The following HSD17B12 variants were observed in gnomAD, a reference collection of about 807,000 sequenced individuals.
HSD17B12 encodes the protein hydroxysteroid 17-beta dehydrogenase 12.
In HSD17B12, 32 loss-of-function variants were observed where a neutral mutation model predicts 39.3. The observed-to-expected ratio is 0.81, with a 90% CI of 0.61 to 1.09. The LOEUF (loss-of-function observed/expected upper bound fraction) is 1.09, where lower values mean the gene tolerates loss of function less well. HSD17B12 is among the 50% of genes least tolerant of loss of function. The probability of loss-of-function intolerance (pLI) is 0.00; values close to 1 mark genes in which losing one functional copy is unlikely to be tolerated. For missense variants in HSD17B12, 342 were observed against 382.9 expected (o/e 0.89, Z 0.89); for synonymous variants, 150 against 146.7 (o/e 1.02, Z -0.16).
chr11:43,651,631 A>T, the HSD17B12 span, among the ~76,000 whole-genome samples: 2 of 152,250 alleles, frequency 1.3e-5, no homozygotes, highest in African/African-American at 4.8e-5. Context: ...CCCAGGCTGC[A>T]GTGCGGTGGT....
At chr11:43,594,342 A>C in the HSD17B12 span, among the ~76,000 whole-genome samples, 1,284 of 152,246 alleles carry the variant, frequency 8.4e-3, 18 homozygotes, top group African/African-American at 0.03. Flanking sequence ...TTTGGAGGGA[A>C]AGATTCTTTT....
chr11:43,559,916 T>C, the HSD17B12 span, among the ~76,000 whole-genome samples: 1 of 152,168 alleles, frequency 6.6e-6, no homozygotes, highest in Admixed American at 6.5e-5. Flanking sequence ...TCATGGAACC[T>C]GGCACAAAAT....
At chr11:43,707,804 G>C (rs1047061519) in intron 1 of HSD17B12, among the ~76,000 whole-genome samples, 1 of 152,102 alleles carries the variant, frequency 6.6e-6, no homozygotes, top group Non-Finnish European at 1.5e-5. Flanking sequence ...AATTAAAGTG[G>C]ACTATCTAAC....
chr11:43,654,264 T>G, the HSD17B12 span, among the ~76,000 whole-genome samples: 2 of 152,358 alleles, frequency 1.3e-5, no homozygotes, highest in South Asian at 4.1e-4. Flanking sequence ...CTTGTAAATT[T>G]GTTTGAGTTC....
chr11:43,595,321 T>A, the HSD17B12 span, among the ~76,000 whole-genome samples: 3 of 152,256 alleles, frequency 2.0e-5, no homozygotes, highest in African/African-American at 7.2e-5. Flanking sequence ...TAAATCTGTC[T>A]GGGAAAGGGT....
chr11:43,635,609 A>G, the HSD17B12 span, among the ~76,000 whole-genome samples: 2 of 152,208 alleles, frequency 1.3e-5, no homozygotes, highest in Non-Finnish European at 2.9e-5. Context: ...TACAAACACA[A>G]AAGGGTTTGA....
chr11:43,684,593 G>C (rs1436313639), intron 1 of HSD17B12, among the ~76,000 whole-genome samples: 1 of 152,192 alleles, frequency 6.6e-6, no homozygotes, highest in African/African-American at 2.4e-5. Context: ...ACAGCACTCT[G>C]AGCACTTATT....
At chr11:43,763,655 A>G (rs758525823) in intron 3 of HSD17B12, among the ~76,000 whole-genome samples, 1 of 147,616 alleles carries the variant, frequency 6.8e-6, no homozygotes, top group African/African-American at 2.5e-5. Flanking sequence ...ATATATATAG[A>G]GAGAGAGAGA....
At chr11:43,841,557 C>CT (rs1175922724) in intron 9 of HSD17B12, among the ~76,000 whole-genome samples, 1 of 152,080 alleles carries the variant, frequency 6.6e-6, no homozygotes, top group African/African-American at 2.4e-5. Context: ...TTTTATATAC[C>CT]TTTGAGTTTA....
At chr11:43,784,315 A>C (rs1428412520) in intron 3 of HSD17B12, among the ~76,000 whole-genome samples, 1 of 147,608 alleles carries the variant, frequency 6.8e-6, no homozygotes, top group Non-Finnish European at 1.5e-5. Context: ...TATTATTATT[A>C]TTATTATTAT....
Position 43,791,541 on chromosome 11 carries a change from A to AAAG in HSD17B12, c.284-6762_284-6760dup, listed in dbSNP as rs550316458. 7.9e-5 allele frequency among the ~76,000 whole-genome samples: 12 copies of AAAG among 152,104 alleles called. No individual in the cohort carries two copies. In the South Asian group the frequency reaches 1.7e-3, roughly 21 times the overall value. On this transcript the variant is annotated intron_variant, in intron 3 of 10. Transcript: ENST00000278353. ...AGTGAGACTCTGTCTCAAAAAAAAA[A>AAAG]AAGAAGAAGAAGAAGAAGAGGAATA...
In HSD17B12 at chr11:43,794,622, C is replaced by T. The variant is rs376168674; in HGVS notation, c.284-3698C>T. On this transcript the variant is annotated intron_variant, in intron 3 of 10. Transcript: ENST00000278353. ...CTGTCCAATCACTTTAAACATTCAC[C>T]GGGATCAGCCATTGGATGAGGATGC... 5.3e-5 allele frequency among the ~76,000 whole-genome samples: 8 copies of T among 152,120 alleles called. No homozygotes were observed. The East Asian group carries it at 7.7e-4, about 15-fold the overall frequency.
intron 7 of HSD17B12, chr11:43,833,620 A>G (rs1347099231): frequency 1.3e-5 from 2 of 152,232 alleles, no homozygotes; most frequent in African/African-American, 4.8e-5. Context: ...CTTACATATT[A>G]TAAGTGGTTT....
intron 4 of HSD17B12, among the ~76,000 whole-genome samples, chr11:43,810,792 A>G (rs1248919739): frequency 3.9e-5 from 6 of 152,226 alleles, no homozygotes. Flanking sequence ...GAGAGACATC[A>G]TGTGTTGTTA....
At position 43,855,395 on chromosome 11, in the gene HSD17B12, A is replaced by C. The variant is rs1272179776; in HGVS notation, c.*147A>C. 3 of 477,764 alleles carry C rather than the reference A, an allele frequency of 6.3e-6. No individual in the cohort carries two copies. The highest frequency in any genetic ancestry group is 6.0e-5 in the African/African-American group (3 of 49,868). 29.6% of individuals were successfully genotyped at this position (477,764 alleles called of 1,614,324 possible). On this transcript the variant is annotated 3_prime_UTR_variant, in exon 11 of 11. Coordinates refer to ENST00000278353, the MANE Select transcript of HSD17B12 (RefSeq NM_016142.3). ...ATTATCTTAATTAAGAGGAAAATAGAAGTTGCTTTTAGGGGTTTCTGACAT... is the reference window on the plus strand; with the variant it reads ...ATTATCTTAATTAAGAGGAAAATAGCAGTTGCTTTTAGGGGTTTCTGACAT...
chr11:43,795,964 AG>A (rs1950912539), intron 3 of HSD17B12, among the ~76,000 whole-genome samples: 2 of 152,188 alleles, frequency 1.3e-5, no homozygotes, highest in Admixed American at 1.3e-4. Context: ...TTCTCTGAGA[AG>A]GTAACATTTG....
At chr11:43,662,445 A>C in the HSD17B12 span, among the ~76,000 whole-genome samples, 1 of 143,734 alleles carries the variant, frequency 7.0e-6, no homozygotes, top group Middle Eastern at 3.6e-3. Context: ...GGGTTTCACC[A>C]TGTTGGCCAG....
chr11:43,576,336 G>T, the HSD17B12 span, among the ~76,000 whole-genome samples: 1 of 152,216 alleles, frequency 6.6e-6, no homozygotes, highest in Non-Finnish European at 1.5e-5. Flanking sequence ...TTGGAAGTAA[G>T]GTTCCAGCGA....
At chr11:43,692,980 T>G (rs1949876555) in intron 1 of HSD17B12, among the ~76,000 whole-genome samples, 1 of 152,146 alleles carries the variant, frequency 6.6e-6, no homozygotes, top group Non-Finnish European at 1.5e-5. Context: ...AGCCATTTTG[T>G]GAAAAAACTT....
Sources: gnomAD v4.1 joint callset for allele counts (sites outside exome capture counted in the v4.1 genomes callset) on GRCh38, gnomAD v4.1.1 for gene constraint, MANE v1.5 for transcripts, NCBI Gene and HGNC (gene_info 2026-07-23, HGNC 2026-07-21) for gene names.